The following LSM4 variants were observed in gnomAD, a reference collection of about 807,000 sequenced individuals.
The protein encoded by LSM4 is U6 snRNA-associated Sm-like protein LSm4.
LSM4 carries 15 observed loss-of-function variants against 22.3 expected under a neutral mutation model. That is an observed-to-expected ratio of 0.67 (90% CI 0.45 to 1.03). The LOEUF (loss-of-function observed/expected upper bound fraction) is 1.03. Among genes scored for constraint, LSM4 ranks in the 50% least tolerant of loss-of-function variants. The pLI is 0.00. For missense variants in LSM4, 127 were observed against 198.0 expected (o/e 0.64, Z 2.15); for synonymous variants, 90 against 79.8 (o/e 1.13, Z -0.68).
intron 1 of LSM4, 119 bp from the exon 2 acceptor site, chr19:18,316,184 G>A (rs769122653): frequency 1.3e-5 from 10 of 787,174 alleles, no homozygotes; most frequent in Admixed American, 1.1e-4. Flanking sequence ...ACAGGAGTGC[G>A]TGTCAATCAC....
At chr19:18,308,824 G>A (rs1482985148) in intron 4 of LSM4, among the ~76,000 whole-genome samples, 1 of 152,210 alleles carries the variant, frequency 6.6e-6, no homozygotes, top group Non-Finnish European at 1.5e-5. Context: ...CACCAGGCAG[G>A]ACCAGCTGTG....
chr19:18,315,213 C>T (rs1011605553), intron 2 of LSM4, among the ~76,000 whole-genome samples: 1 of 152,014 alleles, frequency 6.6e-6, no homozygotes, highest in Non-Finnish European at 1.5e-5. Context: ...GTTTCACTGT[C>T]ACCCAGCGAC....
chr19:18,317,578 A>C (rs1469756773), intron 1 of LSM4, among the ~76,000 whole-genome samples: 1 of 151,348 alleles, frequency 6.6e-6, no homozygotes. Flanking sequence ...CGATCTCCTG[A>C]CCCCGTGATC....
chr19:18,316,233 C>G, intron 1 of LSM4, 168 bp from the exon 2 acceptor site: 2 of 563,634 alleles, frequency 3.5e-6, no homozygotes, highest in Middle Eastern at 4.6e-4. Flanking sequence ...CTGCCCAGCC[C>G]TGGAACACAC....
chr19:18,321,423 A>G (rs1970423478), intron 1 of LSM4, among the ~76,000 whole-genome samples: 1 of 151,746 alleles, frequency 6.6e-6, no homozygotes, highest in Admixed American at 6.6e-5. Flanking sequence ...GACCTAACCG[A>G]CTCCATTGTG....
intron 4 of LSM4, among the ~76,000 whole-genome samples, chr19:18,308,621 G>A (rs1970259880): frequency 6.6e-6 from 1 of 152,206 alleles, no homozygotes; most frequent in Non-Finnish European, 1.5e-5. Context: ...GGAGGTCTGG[G>A]GACAGGAGGA....
intron 1 of LSM4, 40 bp downstream of exon 1, chr19:18,322,978 C>G (rs748209498): frequency 2.5e-6 from 4 of 1,590,426 alleles, no homozygotes; most frequent in Non-Finnish European, 3.4e-6. Context: ...GACTGCTGTT[C>G]CCGCCTCCCG....
chr19:18,318,258 T>A (rs771439272), intron 1 of LSM4, among the ~76,000 whole-genome samples: 4 of 152,142 alleles, frequency 2.6e-5, no homozygotes, highest in African/African-American at 4.8e-5. Context: ...CCTGGCCGGG[T>A]GGCTCCCCAA....
intron 2 of LSM4, among the ~76,000 whole-genome samples, chr19:18,313,106 CTA>C (rs776678645): frequency 7.9e-5 from 12 of 152,186 alleles, no homozygotes; most frequent in Non-Finnish European, 1.2e-4. Context: ...GTAGTCCCAG[CTA>C]CTCGGGAGCC....
At position 18,317,562 on chromosome 19, in the gene LSM4, T is replaced by C. The variant is rs943910357; in HGVS notation, c.4-1497A>G. ...CAGGGTTTCACCGTGTTAGCCAGGA[T>C]GGTCTCGATCTCCTGACCCCGTGAT... On this transcript the variant is annotated intron_variant, in intron 1 of 4. Coordinates refer to ENST00000593829, the MANE Select transcript of LSM4 (RefSeq NM_012321.5). 2.0e-5 allele frequency among the ~76,000 whole-genome samples: 3 copies of C among 152,048 alleles called. No homozygotes were observed. In the East Asian group the frequency reaches 5.8e-4, roughly 29 times the overall value.
At position 18,307,518 on chromosome 19, in the gene LSM4, GC is replaced by G; in HGVS notation, c.365del (p.Gly122AlafsTer65). The G allele has an allele frequency of 6.4e-7, 1 of 1,554,480 alleles. No homozygotes were observed. The highest frequency in any genetic ancestry group is 8.7e-7 in the Non-Finnish European group (1 of 1,150,052). ...FGGRGRGGIP[G>X]TGRGQPEKKP... The stretch of plus-strand genomic sequence containing the variant: ...TCTTCTCTGGCTGGCCTCTGCCTGT[GC>G]CCGGGATCCCACCTCGGCCCCGGCC... On this transcript the variant is annotated frameshift_variant, in exon 5 of 5. Transcript: ENST00000593829. LOFTEE classifies it high-confidence loss of function.
intron 4 of LSM4, chr19:18,309,280 GC>G: frequency 5.4e-6 from 1 of 185,190 alleles, no homozygotes. Context: ...GCTACAGATG[GC>G]CCCTGGGCCT....
chr19:18,317,405 T>C (rs1970368287), intron 1 of LSM4, among the ~76,000 whole-genome samples: 2 of 150,988 alleles, frequency 1.3e-5, no homozygotes. Flanking sequence ...CAATCTCGGC[T>C]TACTACAAGC....
chr19:18,314,644 G>A (rs1037506197), intron 2 of LSM4, among the ~76,000 whole-genome samples: 2 of 152,146 alleles, frequency 1.3e-5, no homozygotes, highest in African/African-American at 4.8e-5. Context: ...CACCAGGCTC[G>A]AAAGGCCTCA....
chr19:18,307,672 T>C lies in LSM4; in HGVS notation c.329-117A>G, dbSNP rs551845046. The C allele has an allele frequency of 2.5e-5, 17 of 687,798 alleles. No homozygotes were observed. In the Middle Eastern group the frequency reaches 1.0e-3, roughly 42 times the overall value. 42.6% of individuals were successfully genotyped at this position (687,798 alleles called of 1,614,324 possible). On this transcript the variant is annotated intron_variant, in intron 4 of 4. Transcript: ENST00000593829. ...TAAGTCTCCAGCCTCAGCTTCCTCA[T>C]GTGTGAGGTGGTGACTGAGGGTGCT...
chr19:18,307,871 T>C (rs1970248151), intron 4 of LSM4, among the ~76,000 whole-genome samples: 2 of 150,140 alleles, frequency 1.3e-5, no homozygotes, highest in Non-Finnish European at 3.0e-5. Context: ...CAGAAGGGTT[T>C]CCTGGAGGAG....
intron 1 of LSM4, among the ~76,000 whole-genome samples, chr19:18,317,699 A>AT (rs963501107): frequency 1.3e-4 from 19 of 147,302 alleles, no homozygotes; most frequent in African/African-American, 1.2e-4. Context: ...AACTTTCAAG[A>AT]TTTTTTTTTT....
In LSM4 at chr19:18,316,592, C is replaced by T. The variant is rs78415768; in HGVS notation, c.4-527G>A. ...CAAACTCCAGACCTCAGGTGATCCA[C>T]CCGCCTCGGCTTCCCAAAGTGCTGG... On this transcript the variant is annotated intron_variant, in intron 1 of 4. Coordinates refer to ENST00000593829, the MANE Select transcript of LSM4 (RefSeq NM_012321.5). Among the ~76,000 whole-genome samples the T allele has an allele frequency of 5.4e-4, 82 of 152,266 alleles. 1 individual carries two copies. The East Asian group carries it at 0.014, about 25-fold the overall frequency.
rs1970244504 is a variant in LSM4, at chr19:18,307,612, G to T, written c.329-57C>A. The T allele has an allele frequency of 1.1e-5, 14 of 1,280,754 alleles. No homozygotes were observed. In the Admixed American group the frequency reaches 3.7e-4, roughly 34 times the overall value. The allele number at this position is 1,280,754 out of a possible 1,614,324, so 79.3% of individuals were successfully genotyped here. A position where few individuals can be genotyped will look rare whatever the true frequency, so the allele number is the denominator to read the frequency against. On this transcript the variant is annotated intron_variant, in intron 4 of 4. Transcript: ENST00000593829. The stretch of plus-strand genomic sequence containing the variant: ...GCCAGGTGGGTGGGACCTTCGACAG[G>T]ATCCCGGCGCCCTGAAACTCTAGGC...
Sources: allele counts gnomAD v4.1 joint callset (sites outside exome capture counted in the v4.1 genomes callset), GRCh38; gene constraint gnomAD v4.1.1; transcripts MANE v1.5; gene names NCBI Gene and HGNC (gene_info 2026-07-23, HGNC 2026-07-21).